PELI2: variants seen among roughly 807,000 people sequenced by gnomAD.
The protein encoded by PELI2 is pellino E3 ubiquitin protein ligase family member 2.
PELI2 carries 23 observed loss-of-function variants against 42.3 expected under a neutral mutation model. The ratio of observed to expected loss-of-function variants is 0.54; its 90% CI spans 0.39 to 0.77. PELI2 has a LOEUF of 0.77. Among genes scored for constraint, PELI2 ranks in the 30% least tolerant of loss-of-function variants. The probability of loss-of-function intolerance (pLI) is 0.00; values close to 1 mark genes in which losing one functional copy is unlikely to be tolerated. For missense variants in PELI2, 463 were observed against 553.2 expected (o/e 0.84, Z 1.64); for synonymous variants, 245 against 212.2 (o/e 1.15, Z -1.34).
intron 2 of PELI2, among the ~76,000 whole-genome samples, chr14:56,208,948 A>T (rs185294193): frequency 4.7e-4 from 72 of 152,346 alleles, no homozygotes; most frequent in African/African-American, 1.4e-3. Context: ...TCAAGCAAAA[A>T]TTAGGATTTT....
chr14:56,220,318 G>C (rs1179696799), intron 2 of PELI2, among the ~76,000 whole-genome samples: 1 of 152,120 alleles, frequency 6.6e-6, no homozygotes, highest in South Asian at 2.1e-4. Context: ...ACTGTTTGAC[G>C]CACAGATGAC....
At chr14:56,271,896 G>A (rs774207399) in intron 2 of PELI2, among the ~76,000 whole-genome samples, 13 of 152,088 alleles carry the variant, frequency 8.5e-5, no homozygotes, top group Non-Finnish European at 1.6e-4. Flanking sequence ...CCAGCCCCAG[G>A]GACTCTTTCT....
chr14:56,158,494 A>G (rs1394275724), intron 1 of PELI2, among the ~76,000 whole-genome samples: 2 of 152,022 alleles, frequency 1.3e-5, no homozygotes, highest in African/African-American at 2.4e-5. Context: ...AGTGCATGCC[A>G]CCACACCTGG....
At chr14:56,240,819 G>T (rs960256284) in intron 2 of PELI2, among the ~76,000 whole-genome samples, 13 of 152,280 alleles carry the variant, frequency 8.5e-5, no homozygotes, top group Admixed American at 4.6e-4. Context: ...CTGAAGCCTG[G>T]ATACTTGGAT....
intron 2 of PELI2, among the ~76,000 whole-genome samples, chr14:56,209,769 G>A (rs973108980): frequency 1.3e-5 from 2 of 152,158 alleles, no homozygotes; most frequent in Non-Finnish European, 2.9e-5. Flanking sequence ...TTTAATAAGG[G>A]AATTAGTTGC....
At chr14:56,149,318 T>C (rs1884250375) in intron 1 of PELI2, among the ~76,000 whole-genome samples, 1 of 152,218 alleles carries the variant, frequency 6.6e-6, no homozygotes, top group African/African-American at 2.4e-5. Context: ...TGCTTTTCCC[T>C]GTTTAACTTT....
intron 2 of PELI2, among the ~76,000 whole-genome samples, chr14:56,275,920 A>G (rs1335485361): frequency 6.6e-6 from 1 of 152,202 alleles, no homozygotes; most frequent in African/African-American, 2.4e-5. Flanking sequence ...GTGAATGCCA[A>G]GAAAAGACCC....
In PELI2 at chr14:56,205,172, C is replaced by G. The variant is rs544768747; in HGVS notation, c.207+26708C>G. Among the ~76,000 whole-genome samples, 52 of 152,204 alleles carry G rather than the reference C, an allele frequency of 3.4e-4. 1 individual carries two copies. Among genetic ancestry groups the G allele is most frequent in the Non-Finnish European group, 5.6e-4 (38 of 68,002 alleles). ...GGTCATGGGGACCCTGTGGGGTGCT[C>G]TTTGACTAGAACATGGAGCGCTGGA... On this transcript the variant is annotated intron_variant, in intron 2 of 5. Coordinates refer to ENST00000267460, the MANE Select transcript of PELI2 (RefSeq NM_021255.3).
At chr14:56,260,921 T>G (rs1035380223) in intron 2 of PELI2, among the ~76,000 whole-genome samples, 1 of 151,912 alleles carries the variant, frequency 6.6e-6, no homozygotes, top group African/African-American at 2.4e-5. Context: ...TTGAAGAAAA[T>G]CAGAATGAGT....
intron 1 of PELI2, among the ~76,000 whole-genome samples, chr14:56,157,260 A>G (rs1311715487): frequency 6.6e-6 from 1 of 152,210 alleles, no homozygotes; most frequent in Non-Finnish European, 1.5e-5. Flanking sequence ...TTCACTTACT[A>G]CTTTGCAGTT....
At chr14:56,166,851 G>C (rs550061991) in intron 1 of PELI2, among the ~76,000 whole-genome samples, 1 of 151,940 alleles carries the variant, frequency 6.6e-6, no homozygotes, top group East Asian at 1.9e-4. Flanking sequence ...GCAGTGGCAC[G>C]ATCTCAGCGC....
chr14:56,250,632 A>G (rs1217198549), intron 2 of PELI2, among the ~76,000 whole-genome samples: 1 of 152,182 alleles, frequency 6.6e-6, no homozygotes, highest in Non-Finnish European at 1.5e-5. Context: ...CATGGTAGAA[A>G]TATGAAGACT....
intron 2 of PELI2, among the ~76,000 whole-genome samples, chr14:56,245,840 A>G (rs1056373356): frequency 2.0e-5 from 3 of 152,210 alleles, no homozygotes; most frequent in Non-Finnish European, 4.4e-5. Context: ...ATTGTTTTAG[A>G]TGTTGTAAGT....
At chr14:56,261,575 G>C (rs1228529285) in intron 2 of PELI2, among the ~76,000 whole-genome samples, 1 of 152,002 alleles carries the variant, frequency 6.6e-6, no homozygotes, top group African/African-American at 2.4e-5. Context: ...TTTTGTAAAG[G>C]AACAAAGAAA....
At chr14:56,192,671 C>T (rs566329801) in intron 2 of PELI2, among the ~76,000 whole-genome samples, 63 of 152,272 alleles carry the variant, frequency 4.1e-4, no homozygotes, top group African/African-American at 1.5e-3. Flanking sequence ...TCTTCTTTGG[C>T]CAAGTGACAA....
intron 1 of PELI2, among the ~76,000 whole-genome samples, chr14:56,167,002 G>A (rs1425453548): frequency 6.6e-6 from 1 of 152,060 alleles, no homozygotes; most frequent in African/African-American, 2.4e-5. Flanking sequence ...TGTTAGCCAG[G>A]ATGGTCTTGA....
chr14:56,145,960 A>G (rs1020937869), intron 1 of PELI2, among the ~76,000 whole-genome samples: 1 of 152,238 alleles, frequency 6.6e-6, no homozygotes, highest in African/African-American at 2.4e-5. Flanking sequence ...GCTATAAACC[A>G]AAGCCAGTTT....
intron 2 of PELI2, among the ~76,000 whole-genome samples, chr14:56,228,847 A>G (rs28662163): frequency 0.33 from 50,546 of 152,186 alleles, 10,776 homozygotes; most frequent in African/African-American, 0.61. Context: ...TCCCTTTCCT[A>G]GCCAAGGGAA....
intron 1 of PELI2, among the ~76,000 whole-genome samples, chr14:56,139,867 A>G (rs988133680): frequency 6.6e-6 from 1 of 151,416 alleles, no homozygotes; most frequent in Non-Finnish European, 1.5e-5. Context: ...GGAAGGGGTG[A>G]TGCAAACCAG....
Sources: gnomAD v4.1 joint callset for allele counts (sites outside exome capture counted in the v4.1 genomes callset) on GRCh38, gnomAD v4.1.1 for gene constraint, MANE v1.5 for transcripts, NCBI Gene and HGNC (gene_info 2026-07-23, HGNC 2026-07-21) for gene names.